Variants in LRRC7 observed in about 807,000 individuals in gnomAD.
LRRC7 encodes the protein leucine-rich repeat-containing protein 7.
In LRRC7, 23 loss-of-function variants were observed where a neutral mutation model predicts 175.7. The observed-to-expected ratio is 0.13, with a 90% CI of 0.09 to 0.19. The LOEUF (loss-of-function observed/expected upper bound fraction) is 0.19, where lower values mean the gene tolerates loss of function less well. LRRC7 is among the 10% of genes least tolerant of loss of function. The probability of loss-of-function intolerance (pLI) is 1.00; values close to 1 mark genes in which losing one functional copy is unlikely to be tolerated. For synonymous variants in LRRC7, 685 were observed against 680.9 expected, an observed-to-expected ratio of 1.01 and a Z score of -0.09; for missense variants, 1,354 against 1,904.7, an observed-to-expected ratio of 0.71 and a Z score of 5.38.
Position 70,036,636 on chromosome 1 carries a change from A to G in LRRC7, c.2288+12A>G. 1 of 1,585,356 alleles carries G rather than the reference A, an allele frequency of 6.3e-7. No homozygotes were observed. The highest frequency in any genetic ancestry group is 8.5e-7 in the Non-Finnish European group (1 of 1,169,982). The stretch of plus-strand genomic sequence containing the variant: ...TTGTGGGGTAACAGGTGTGTTTAGA[A>G]TTCCCTCCTTTTGTTCCCAAACGTT... On this transcript the variant is annotated intron_variant, in intron 20 of 26. Coordinates refer to ENST00000651989, the MANE Select transcript of LRRC7 (RefSeq NM_001370785.2).
rs541736530 is a variant in LRRC7 at position 69,629,795 on chromosome 1, G to T, written c.3-48586G>T. Among the ~76,000 whole-genome samples the T allele has an allele frequency of 2.0e-5, 3 of 152,108 alleles. No individual in the cohort carries two copies. The South Asian group carries it at 6.2e-4, about 32-fold the overall frequency. On this transcript the variant is annotated intron_variant, in intron 1 of 26. Transcript: ENST00000651989. ...TAATGCATAGATTGATGCTATTAAAGTTAATATTTCTATATTTTATTATTA... is the reference window on the plus strand; with the variant it reads ...TAATGCATAGATTGATGCTATTAAATTTAATATTTCTATATTTTATTATTA...
At chr1:69,925,094 G>C (rs1310807363) in intron 7 of LRRC7, among the ~76,000 whole-genome samples, 1 of 152,104 alleles carries the variant, frequency 6.6e-6, no homozygotes, top group Non-Finnish European at 1.5e-5. Flanking sequence ...TTATATGCTG[G>C]ATTACATTTA....
At chr1:69,642,661 C>G (rs745629282) in intron 1 of LRRC7, among the ~76,000 whole-genome samples, 3 of 151,866 alleles carry the variant, frequency 2.0e-5, no homozygotes, top group Non-Finnish European at 2.9e-5. Flanking sequence ...TAAAATCATG[C>G]CAGTTAAAAA....
chr1:69,656,290 T>C (rs909148937), intron 1 of LRRC7, among the ~76,000 whole-genome samples: 1 of 152,036 alleles, frequency 6.6e-6, no homozygotes, highest in Admixed American at 6.6e-5. Context: ...TTTGAGTTCT[T>C]AAATTTATGA....
chr1:69,697,721 C>A (rs1006096400), intron 2 of LRRC7, among the ~76,000 whole-genome samples: 1 of 152,214 alleles, frequency 6.6e-6, no homozygotes, highest in East Asian at 1.9e-4. Context: ...GCCCATAGCC[C>A]CATGCCCTAG....
chr1:69,822,022 G>C (rs1484852585), intron 4 of LRRC7, among the ~76,000 whole-genome samples: 1 of 152,086 alleles, frequency 6.6e-6, no homozygotes, highest in Non-Finnish European at 1.5e-5. Flanking sequence ...TTACTGACTT[G>C]CTTCAGGAGA....
intron 11 of LRRC7, among the ~76,000 whole-genome samples, chr1:70,007,592 A>T (rs1014517914): frequency 6.6e-6 from 1 of 152,230 alleles, no homozygotes; most frequent in African/African-American, 2.4e-5. Flanking sequence ...TTTAAAAAAC[A>T]TATCAGGGTT....
intron 26 of LRRC7, among the ~76,000 whole-genome samples, chr1:70,119,532 A>G (rs76313756): frequency 6.6e-6 from 1 of 151,594 alleles, no homozygotes; most frequent in African/African-American, 2.4e-5. Flanking sequence ...AAAAAAAAAA[A>G]TGCTTAAGTA....
At chr1:69,795,736 G>A (rs911319380) in intron 4 of LRRC7, among the ~76,000 whole-genome samples, 11 of 152,232 alleles carry the variant, frequency 7.2e-5, no homozygotes, top group South Asian at 6.2e-4. Context: ...GATCTTGATT[G>A]TTGATGTGGC....
chr1:69,906,803 A>C (rs560712370), intron 7 of LRRC7, among the ~76,000 whole-genome samples: 78 of 152,286 alleles, frequency 5.1e-4, no homozygotes, highest in African/African-American at 1.9e-3. Context: ...GAAGAAAGTC[A>C]TTGGTAGTTT....
At chr1:69,753,355 T>C (rs1443042638) in intron 2 of LRRC7, among the ~76,000 whole-genome samples, 1 of 151,500 alleles carries the variant, frequency 6.6e-6, no homozygotes, top group Non-Finnish European at 1.5e-5. Context: ...TTCATGTCTG[T>C]AGATTCTTAT....
At chr1:70,029,698 T>G (rs1658505704) in intron 18 of LRRC7, among the ~76,000 whole-genome samples, 2 of 152,166 alleles carry the variant, frequency 1.3e-5, no homozygotes, top group South Asian at 4.1e-4. Context: ...CGTTTTATAT[T>G]TAAATATCCT....
rs540215829 is a variant in LRRC7 at position 69,738,602 on chromosome 1, A to G, written c.101-21589A>G. On this transcript the variant is annotated intron_variant, in intron 2 of 26. Coordinates refer to ENST00000651989, the MANE Select transcript of LRRC7 (RefSeq NM_001370785.2). Reference sequence around the variant, plus strand: ...TGTTACTTTATCAGTAGGCTGCTGTATGAGCCCGTTGCTTAGGGAGACTGA... The same window carrying G: ...TGTTACTTTATCAGTAGGCTGCTGTGTGAGCCCGTTGCTTAGGGAGACTGA... Among the ~76,000 whole-genome samples the G allele has an allele frequency of 5.3e-5, 8 of 152,140 alleles. No individual in the cohort carries two copies. The South Asian group carries it at 1.7e-3, about 32-fold the overall frequency.
At position 69,824,926 on chromosome 1, in the gene LRRC7, C is replaced by G. The variant is rs974157713; in HGVS notation, c.422-822C>G. On this transcript the variant is annotated intron_variant, in intron 4 of 26. Transcript: ENST00000651989. ...TCTTCCCTTCTAACTTTTGCAGGGC[C>G]TACTACATTGATCCATTTCTGTCAA... 5.9e-5 allele frequency among the ~76,000 whole-genome samples: 9 copies of G among 152,286 alleles called. No individual in the cohort carries two copies. In the East Asian group the frequency reaches 1.5e-3, roughly 26 times the overall value.
chr1:69,622,213 T>C (rs548412401), intron 1 of LRRC7, among the ~76,000 whole-genome samples: 1 of 152,308 alleles, frequency 6.6e-6, no homozygotes, highest in East Asian at 1.9e-4. Context: ...AAATTCTGAA[T>C]TTTAACATCG....
At chr1:69,780,584 A>G (rs1184730627) in intron 3 of LRRC7, among the ~76,000 whole-genome samples, 1 of 152,202 alleles carries the variant, frequency 6.6e-6, no homozygotes, top group Non-Finnish European at 1.5e-5. Flanking sequence ...TTACAATTTC[A>G]CCAAGTATGT....
chr1:70,124,946 T>C lies in LRRC7; in HGVS notation c.*3059T>C, dbSNP rs537083672. On this transcript the variant is annotated 3_prime_UTR_variant, in exon 27 of 27. Transcript: ENST00000651989. ...GGTAGAAAGAGCAAGTGATGAAAATTACTAGTAAAATTGCAAATTTTGCAA... is the reference window on the plus strand; with the variant it reads ...GGTAGAAAGAGCAAGTGATGAAAATCACTAGTAAAATTGCAAATTTTGCAA... 1.5e-4 allele frequency among the ~76,000 whole-genome samples: 23 copies of C among 152,282 alleles called. No homozygotes were observed. Among genetic ancestry groups the C allele is most frequent in the African/African-American group, 4.3e-4 (18 of 41,560 alleles).
In LRRC7 at chr1:69,710,408, C is replaced by A. The variant is rs189287504; in HGVS notation, c.100+31930C>A. ...ACAGCTTCAGGGCTTCCTTCTCTTG[C>A]CAGCAGCAACCAGCAAAGCAGTTTT... On this transcript the variant is annotated intron_variant, in intron 2 of 26. Coordinates refer to ENST00000651989, the MANE Select transcript of LRRC7 (RefSeq NM_001370785.2). Among the ~76,000 whole-genome samples, 3 of 152,184 alleles carry A rather than the reference C, an allele frequency of 2.0e-5. No homozygotes were observed. In the East Asian group the frequency reaches 5.8e-4, roughly 29 times the overall value.
Position 69,764,778 on chromosome 1 carries a change from T to TAGATAGAC in LRRC7, c.303+4388_303+4389insTAGACAGA, listed in dbSNP as rs1427408341. The stretch of plus-strand genomic sequence containing the variant: ...ATAGATAGATAGATAGATAGATAGA[T>TAGATAGAC]AGACAGACAGACAGATAGATAACTG... On this transcript the variant is annotated intron_variant, in intron 3 of 26. Transcript: ENST00000651989. 7.9e-3 allele frequency among the ~76,000 whole-genome samples: 1,137 copies of TAGATAGAC among 144,392 alleles called. 12 individuals are homozygous for TAGATAGAC. Among genetic ancestry groups the TAGATAGAC allele is most frequent in the African/African-American group, 0.025 (982 of 39,300 alleles). The allele number at this position is 144,392 out of a possible 152,430, so 94.7% of individuals were successfully genotyped here. A position where few individuals can be genotyped will look rare whatever the true frequency, so the allele number is the denominator to read the frequency against.
Sources: allele counts gnomAD v4.1 joint callset (sites outside exome capture counted in the v4.1 genomes callset), GRCh38; gene constraint gnomAD v4.1.1; transcripts MANE v1.5; gene names NCBI Gene and HGNC (gene_info 2026-07-23, HGNC 2026-07-21).